VPS35L: variants seen among roughly 807,000 people sequenced by gnomAD.
VPS35L encodes VPS35 endosomal protein sorting factor like.
In VPS35L, 83 loss-of-function variants were observed where a neutral mutation model predicts 133.0. The observed-to-expected ratio is 0.62, with a 90% CI of 0.52 to 0.75. The LOEUF is 0.75. Among genes scored for constraint, VPS35L ranks in the 30% least tolerant of loss-of-function variants. The pLI is 0.00. For missense variants in VPS35L, 1,083 were observed against 1,206.8 expected (o/e 0.90, Z 1.52); for synonymous variants, 423 against 449.9 (o/e 0.94, Z 0.76).
Position 19,700,484 on chromosome 16 carries a change from G to A in VPS35L, c.*8G>A, listed in dbSNP as rs1293392818. ...CTGCAAACAAGGACCTGACCCCCGG[G>A]CCCATCCCCAGGCTCAGGGACTCTG... On this transcript the variant is annotated 3_prime_UTR_variant, in exon 31 of 31. Coordinates refer to ENST00000417362, the MANE Select transcript of VPS35L (RefSeq NM_020314.7). The A allele has an allele frequency of 6.2e-7, 1 of 1,611,824 alleles. No homozygotes were observed. The highest frequency in any genetic ancestry group is 1.7e-5 in the Admixed American group (1 of 60,018).
At chr16:19,572,430 A>T (rs546080811) in intron 3 of VPS35L, among the ~76,000 whole-genome samples, 1 of 152,228 alleles carries the variant, frequency 6.6e-6, no homozygotes, top group African/African-American at 2.4e-5. Context: ...TGCTGGCATA[A>T]GGCAATGTGT....
At chr16:19,570,877 A>ATATATG (rs1971356007) in intron 3 of VPS35L, among the ~76,000 whole-genome samples, 1 of 53,730 alleles carries the variant, frequency 1.9e-5, no homozygotes. Flanking sequence ...ATATATATAT[A>ATATATG]TATATATATA....
chr16:19,581,597 C>G lies in VPS35L; in HGVS notation c.583C>G (p.Leu195Val). 1.2e-6 allele frequency: 2 copies of G among 1,614,146 alleles called. No individual in the cohort carries two copies. The highest frequency in any genetic ancestry group is 1.7e-6 in the Non-Finnish European group (2 of 1,180,008). Residue 195 changes from leucine (L) to valine (V), a missense_variant, in exon 7 of 31, where the codon CTG (leucine) becomes GTG (valine). Leu to Val is a conservative substitution (Grantham distance 32). Coordinates refer to ENST00000417362, the MANE Select transcript of VPS35L (RefSeq NM_020314.7). The stretch of plus-strand genomic sequence containing the variant: ...CCGCATAGAGGAGCTCAACCAATCG[C>G]TGAAGGATGCCTGGGCCTCAGACCA... The part of the protein sequence containing the change: ...VNRIEELNQS[L>V]KDAWASDQKV...
At chr16:19,598,874 G>C (rs1230441207) in intron 8 of VPS35L, among the ~76,000 whole-genome samples, 1 of 152,180 alleles carries the variant, frequency 6.6e-6, no homozygotes. Context: ...CTTTCGTGTA[G>C]GAAATAAAGG....
intron 26 of VPS35L, among the ~76,000 whole-genome samples, chr16:19,664,589 A>G (rs1974599153): frequency 6.6e-6 from 1 of 151,370 alleles, no homozygotes; most frequent in Non-Finnish European, 1.5e-5. Context: ...AAAAAAAAAA[A>G]GGTATATGGA....
chr16:19,642,494 C>A lies in VPS35L; in HGVS notation c.1865+18C>A. The A allele has an allele frequency of 6.2e-7, 1 of 1,601,380 alleles. No homozygotes were observed. The highest frequency in any genetic ancestry group is 1.3e-5 in the African/African-American group (1 of 74,770). On this transcript the variant is annotated intron_variant, in intron 22 of 30. Coordinates refer to ENST00000417362, the MANE Select transcript of VPS35L (RefSeq NM_020314.7). The stretch of plus-strand genomic sequence containing the variant: ...TCTGTGAAGTAAGCCATGCTTACAG[C>A]TGAAATATAACATGGATTGGGTCTT...
intron 9 of VPS35L, among the ~76,000 whole-genome samples, chr16:19,603,869 T>A (rs531277411): frequency 1.3e-5 from 2 of 152,096 alleles, no homozygotes; most frequent in Non-Finnish European, 2.9e-5. Flanking sequence ...GTAGCTGGGA[T>A]TACAGGTGTG....
Position 19,699,591 on chromosome 16 carries a change from C to T in VPS35L, c.2736C>T (p.Leu912=), listed in dbSNP as rs765372304. Residue 912 remains leucine, a synonymous_variant, in exon 30 of 31, where the codon CTC becomes CTT. Coordinates refer to ENST00000417362, the MANE Select transcript of VPS35L (RefSeq NM_020314.7). This position sits in a 1 kb window ranked among gnomAD's most constrained non-coding sequence, Gnocchi z 4.2. ...TACGCAACAACAAGCTCAACCAGCT[C>T]TCCGTCAACCTGTGGCACCTGGCAC... ...GDLRNNKLNQ[L]SVNLWHLAQR... 6.2e-7 allele frequency: 1 copy of T among 1,614,150 alleles called. No individual in the cohort carries two copies. The highest frequency in any genetic ancestry group is 8.5e-7 in the Non-Finnish European group (1 of 1,180,048).
chr16:19,695,830 TA>T (rs1975887369), intron 29 of VPS35L, among the ~76,000 whole-genome samples: 1 of 151,800 alleles, frequency 6.6e-6, no homozygotes, highest in Non-Finnish European at 1.5e-5. Context: ...AATAAATAAA[TA>T]AATAAAAACA....
chr16:19,662,681 A>G (rs1025972603), intron 26 of VPS35L, among the ~76,000 whole-genome samples: 2 of 152,060 alleles, frequency 1.3e-5, no homozygotes, highest in Admixed American at 6.6e-5. Context: ...TTCACTTACT[A>G]TTTGCTCTTT....
intron 26 of VPS35L, among the ~76,000 whole-genome samples, chr16:19,656,908 C>T (rs79156447): frequency 0.024 from 3,590 of 150,950 alleles, 82 homozygotes; most frequent in African/African-American, 0.055. Flanking sequence ...TGCGGTTCCT[C>T]CAAAGCTGAA....
chr16:19,568,446 A>G (rs1275899265), intron 2 of VPS35L, among the ~76,000 whole-genome samples: 2 of 149,430 alleles, frequency 1.3e-5, no homozygotes, highest in African/African-American at 5.0e-5. Flanking sequence ...CATAGGCATG[A>G]TTGATTATTC....
intron 26 of VPS35L, among the ~76,000 whole-genome samples, chr16:19,654,204 C>G (rs1319418351): frequency 6.6e-6 from 1 of 152,170 alleles, no homozygotes; most frequent in Non-Finnish European, 1.5e-5. Flanking sequence ...CTGCTGGCCA[C>G]TCTAGCTAGA....
intron 5 of VPS35L, 93 bp downstream of exon 5, chr16:19,575,215 C>T: frequency 8.5e-7 from 1 of 1,180,176 alleles, no homozygotes; most frequent in Admixed American, 1.9e-5. Context: ...TGATATGATT[C>T]TGATGTTTGA....
intron 12 of VPS35L, among the ~76,000 whole-genome samples, chr16:19,615,298 C>CT: frequency 6.6e-6 from 1 of 152,242 alleles, no homozygotes; most frequent in African/African-American, 2.4e-5. Flanking sequence ...AAATGTTGCC[C>CT]TTTTTTATTA....
intron 22 of VPS35L, among the ~76,000 whole-genome samples, chr16:19,643,541 G>A (rs1168629156): frequency 6.6e-6 from 1 of 152,154 alleles, no homozygotes; most frequent in Non-Finnish European, 1.5e-5. Context: ...TTGGGGAACA[G>A]CAGCTTTCTT....
intron 29 of VPS35L, 133 bp downstream of exon 29, chr16:19,691,604 C>T (rs1975689859): frequency 1.5e-6 from 1 of 666,538 alleles, no homozygotes; most frequent in Non-Finnish European, 2.6e-6. Flanking sequence ...AACCACTTCT[C>T]CATTGCTTTG....
In VPS35L at chr16:19,629,395, C is replaced by G. The variant is rs143637523; in HGVS notation, c.1501-372C>G. ...ATGGATAGCTTTAAAGATGTAATTT[C>G]TTTGATTTTTTAAAAATTCAATTCT... On this transcript the variant is annotated intron_variant, in intron 17 of 30. Transcript: ENST00000417362. Among the ~76,000 whole-genome samples the G allele has an allele frequency of 5.9e-5, 9 of 151,906 alleles. 1 individual carries two copies. The South Asian group carries it at 8.3e-4, about 14-fold the overall frequency.
chr16:19,570,377 T>A (rs978584972), intron 3 of VPS35L, among the ~76,000 whole-genome samples: 1 of 152,184 alleles, frequency 6.6e-6, no homozygotes, highest in African/African-American at 2.4e-5. Flanking sequence ...AAATTTATTT[T>A]TAATTTTAAT....
Sources: gnomAD v4.1 joint callset for allele counts (sites outside exome capture counted in the v4.1 genomes callset) on GRCh38, gnomAD v4.1.1 for gene constraint, Gnocchi (gnomAD v3.1) non-coding constraint, MANE v1.5 for transcripts, NCBI Gene and HGNC (gene_info 2026-07-23, HGNC 2026-07-21) for gene names.